The following MACROD2 variants were observed in gnomAD, a reference collection of about 807,000 sequenced individuals.
MACROD2 encodes mono-ADP ribosylhydrolase 2.
MACROD2 carries 36 observed loss-of-function variants against 70.4 expected under a neutral mutation model. The ratio of observed to expected loss-of-function variants is 0.51; its 90% CI spans 0.39 to 0.68. MACROD2 has a LOEUF of 0.68. Ranked by LOEUF, MACROD2 falls within the 30% of genes least tolerant of loss-of-function variation. The pLI is 0.00. For synonymous variants in MACROD2, 172 were observed against 178.8 expected, an observed-to-expected ratio of 0.96 and a Z score of 0.30; for missense variants, 496 against 538.4, an observed-to-expected ratio of 0.92 and a Z score of 0.78.
chr20:15,268,039 C>T (rs1346265005), intron 6 of MACROD2, among the ~76,000 whole-genome samples: 1 of 152,076 alleles, frequency 6.6e-6, no homozygotes, highest in Non-Finnish European at 1.5e-5. Flanking sequence ...GGAGAAAGTC[C>T]TAACAACATC....
At chr20:15,901,686 C>T (rs2065066764) in intron 10 of MACROD2, among the ~76,000 whole-genome samples, 1 of 152,162 alleles carries the variant, frequency 6.6e-6, no homozygotes, top group African/African-American at 2.4e-5. Flanking sequence ...GCATCAGCAG[C>T]CTATCTCCAA....
intron 3 of MACROD2, among the ~76,000 whole-genome samples, chr20:14,491,284 AT>A: frequency 6.6e-6 from 1 of 152,072 alleles, no homozygotes; most frequent in East Asian, 1.9e-4. Flanking sequence ...CTTTTTTGTT[AT>A]TTTTTAGAGA....
intron 6 of MACROD2, among the ~76,000 whole-genome samples, chr20:15,369,370 TG>T (rs1268334483): frequency 1.3e-5 from 2 of 152,222 alleles, no homozygotes; most frequent in African/African-American, 2.4e-5. Flanking sequence ...AGCAGACTTC[TG>T]ACAGCTTAAT....
At chr20:15,087,090 C>A (rs1182430131) in intron 5 of MACROD2, among the ~76,000 whole-genome samples, 1 of 151,626 alleles carries the variant, frequency 6.6e-6, no homozygotes, top group Non-Finnish European at 1.5e-5. Context: ...ATTTATGTAT[C>A]TTTATTATCT....
chr20:15,606,928 G>A (rs187223736), intron 8 of MACROD2, among the ~76,000 whole-genome samples: 2 of 151,842 alleles, frequency 1.3e-5, no homozygotes, highest in Non-Finnish European at 2.9e-5. Context: ...CTTGAACCCA[G>A]GAGGCAGAGG....
intron 5 of MACROD2, among the ~76,000 whole-genome samples, chr20:14,879,407 T>C (rs1265708892): frequency 6.6e-6 from 1 of 152,196 alleles, no homozygotes; most frequent in Non-Finnish European, 1.5e-5. Context: ...ATGTTGACAT[T>C]AGTCAGTTTT....
chr20:15,713,307 C>T (rs78548526), intron 8 of MACROD2, among the ~76,000 whole-genome samples: 4,282 of 152,264 alleles, frequency 0.028, 80 homozygotes, highest in Non-Finnish European at 0.045. Flanking sequence ...TATAAAGCAG[C>T]GGAATCTCCT....
chr20:15,053,483 A>G (rs377621270), intron 5 of MACROD2, among the ~76,000 whole-genome samples: 16 of 152,182 alleles, frequency 1.1e-4, no homozygotes, highest in South Asian at 2.1e-4. Context: ...TATAAAAGGA[A>G]CAAGAAAGCC....
rs2066490991 is a variant in MACROD2 at position 15,986,843 on chromosome 20, A to T, written c.1060+42A>T. ...ATATTGTTATCAGAGAATGAGATGA[A>T]ACTGTGAATCATGACTTCTATATAT... On this transcript the variant is annotated intron_variant, in intron 14 of 17. Transcript: ENST00000684519. 3 of 1,480,264 alleles carry T rather than the reference A, an allele frequency of 2.0e-6. No individual in the cohort carries two copies. In the East Asian group the frequency reaches 6.8e-5, roughly 33 times the overall value. The allele number at this position is 1,480,264 out of a possible 1,614,324, so 91.7% of individuals were successfully genotyped here.
intron 5 of MACROD2, among the ~76,000 whole-genome samples, chr20:14,982,796 C>A (rs1011576692): frequency 4.6e-5 from 7 of 152,184 alleles, no homozygotes; most frequent in African/African-American, 1.7e-4. Flanking sequence ...TCTCCTAGGG[C>A]AGTGCATTGG....
At chr20:14,653,677 T>C (rs569189862) in intron 4 of MACROD2, among the ~76,000 whole-genome samples, 3 of 152,262 alleles carry the variant, frequency 2.0e-5, no homozygotes, top group African/African-American at 7.2e-5. Context: ...TTAAATGATA[T>C]AACGTGTTAC....
intron 5 of MACROD2, among the ~76,000 whole-genome samples, chr20:14,914,328 T>A (rs552301144): frequency 2.6e-5 from 4 of 152,138 alleles, no homozygotes; most frequent in Non-Finnish European, 5.9e-5. Context: ...CAATGAGAAT[T>A]TCCCTCAGGA....
At chr20:15,497,891 G>A (rs2047318318) in intron 7 of MACROD2, among the ~76,000 whole-genome samples, 1 of 152,120 alleles carries the variant, frequency 6.6e-6, no homozygotes, top group South Asian at 2.1e-4. Flanking sequence ...TGGGCTTTTA[G>A]AGGACAGGGA....
chr20:14,025,267 A>G (rs753763897), intron 2 of MACROD2, among the ~76,000 whole-genome samples: 5 of 151,204 alleles, frequency 3.3e-5, no homozygotes, highest in Non-Finnish European at 7.4e-5. Context: ...TTTCTTCTTT[A>G]TTTGTCTGGG....
chr20:14,065,256 C>T (rs1378086435), intron 2 of MACROD2, among the ~76,000 whole-genome samples: 1 of 152,184 alleles, frequency 6.6e-6, no homozygotes, highest in Admixed American at 6.5e-5. Context: ...TGTTAGGACT[C>T]CTCGCATCTG....
intron 10 of MACROD2, among the ~76,000 whole-genome samples, chr20:15,925,930 G>A (rs1184151492): frequency 6.6e-6 from 1 of 152,170 alleles, no homozygotes; most frequent in Non-Finnish European, 1.5e-5. Flanking sequence ...TGTTAATGGG[G>A]CATGGATGCA....
chr20:14,414,192 T>A (rs1337230652), intron 3 of MACROD2, among the ~76,000 whole-genome samples: 2 of 152,302 alleles, frequency 1.3e-5, no homozygotes, highest in Admixed American at 6.5e-5. Flanking sequence ...GATTTCTAAA[T>A]CTTACAGTTT....
chr20:15,358,414 C>T (rs988643590), intron 6 of MACROD2, among the ~76,000 whole-genome samples: 1 of 151,248 alleles, frequency 6.6e-6, no homozygotes, highest in Admixed American at 6.6e-5. Context: ...CTAGAATAAT[C>T]CTAACTGTTC....
At chr20:15,967,680 A>AC in intron 13 of MACROD2, 50 bp downstream of exon 13, 416 of 814,632 alleles carry the variant, frequency 5.1e-4, no homozygotes, top group Middle Eastern at 9.6e-4. Context: ...GCTGGGAAAC[A>AC]GAAAAAAAAA....
Sources: gnomAD v4.1 joint callset for allele counts (sites outside exome capture counted in the v4.1 genomes callset) on GRCh38, gnomAD v4.1.1 for gene constraint, MANE v1.5 for transcripts, NCBI Gene and HGNC (gene_info 2026-07-23, HGNC 2026-07-21) for gene names.